Variants in SFRP1 observed in about 807,000 individuals in gnomAD.
SFRP1 encodes the protein secreted frizzled related protein 1, also known as secreted frizzled-related protein 1.
A neutral mutation model predicts 25.9 loss-of-function variants in SFRP1; 9 were observed. The ratio of observed to expected loss-of-function variants is 0.35; its 90% CI spans 0.21 to 0.61. The LOEUF (loss-of-function observed/expected upper bound fraction) is 0.61, where lower values mean the gene tolerates loss of function less well. SFRP1 is among the 20% of genes least tolerant of loss of function. The pLI is 0.78. For synonymous variants in SFRP1, 178 were observed against 174.0 expected (o/e 1.02, Z -0.18); for missense variants, 346 against 418.2 (o/e 0.83, Z 1.51).
Position 41,308,879 on chromosome 8 carries a change from G to A in SFRP1, c.281C>T (p.Ala94Val). The A allele has an allele frequency of 1.9e-6, 3 of 1,611,046 alleles. No homozygotes were observed. Among genetic ancestry groups the A allele is most frequent in the Non-Finnish European group, 2.5e-6 (3 of 1,179,706 alleles). The part of the protein sequence containing the change: ...HETMAEVKQQ[A>V]SSWVPLLNKN... ...GTTGAGCAGGGGCACCCAGCTGCTG[G>A]CCTGCTGCTTCACCTCCGCCATGGT... Residue 94 changes from alanine (A) to valine (V), a missense_variant, in exon 1 of 3, where the codon GCC becomes GTC. Transcript: ENST00000220772.
In SFRP1 at chr8:41,263,781, G is replaced by A. The variant is rs1803401795; in HGVS notation, c.*1386C>T. On this transcript the variant is annotated 3_prime_UTR_variant, in exon 3 of 3. Transcript: ENST00000220772. ...CAGGGTACTTGGGAAAAACTGCAGA[G>A]ATGTTTTGCTTTTGAAACTCTCTCG... 6.6e-6 allele frequency: 1 copy of A among 152,206 alleles called. No individual in the cohort carries two copies. Among genetic ancestry groups the A allele is most frequent in the Non-Finnish European group, 1.5e-5 (1 of 68,040 alleles). 9.4% of individuals were successfully genotyped at this position (152,206 alleles called of 1,614,324 possible).
chr8:41,282,090 C>T (rs1470463960), intron 2 of SFRP1, among the ~76,000 whole-genome samples: 1 of 152,120 alleles, frequency 6.6e-6, no homozygotes, highest in Non-Finnish European at 1.5e-5. Flanking sequence ...TTGCTAAGGG[C>T]CTTTTGGGTA....
At chr8:41,294,770 A>G (rs1276826942) in intron 2 of SFRP1, among the ~76,000 whole-genome samples, 2 of 152,002 alleles carry the variant, frequency 1.3e-5, no homozygotes, top group Non-Finnish European at 2.9e-5. Context: ...AGACTCAAAT[A>G]TGTATATGGA....
chr8:41,305,700 G>C (rs1347432618), intron 1 of SFRP1, among the ~76,000 whole-genome samples: 1 of 152,202 alleles, frequency 6.6e-6, no homozygotes, highest in Non-Finnish European at 1.5e-5. Context: ...CAAAGGTTTT[G>C]TGTTTATTAA....
chr8:41,306,818 G>T (rs1804004007), intron 1 of SFRP1: 1 of 1,598,156 alleles, frequency 6.3e-7, no homozygotes, highest in African/African-American at 1.3e-5. Flanking sequence ...GGGGCAAAAG[G>T]TGTCCGGAAG....
Position 41,265,144 on chromosome 8 carries a change from T to TC in SFRP1, c.*22dup. 1.9e-5 allele frequency: 2 copies of TC among 102,778 alleles called. No homozygotes were observed. The highest frequency in any genetic ancestry group is 3.5e-5 in the Non-Finnish European group (2 of 56,708). The allele number at this position is 102,778 out of a possible 1,614,324, so 6.4% of individuals were successfully genotyped here. A position where few individuals can be genotyped will look rare whatever the true frequency, so the allele number is the denominator to read the frequency against. On this transcript the variant is annotated 3_prime_UTR_variant, in exon 3 of 3. Coordinates refer to ENST00000220772, the MANE Select transcript of SFRP1 (RefSeq NM_003012.5). ...CGCTCCCACCCCACCCGAGGCTCCC[T>TC]CCCCACCCTGCCCCCGGGAGAATCA...
At chr8:41,268,880 C>A (rs1404664180) in intron 2 of SFRP1, among the ~76,000 whole-genome samples, 1 of 152,220 alleles carries the variant, frequency 6.6e-6, no homozygotes, top group African/African-American at 2.4e-5. Context: ...GCGATGTTGC[C>A]CATGGCCTGA....
chr8:41,283,242 G>T (rs1169670376), intron 2 of SFRP1, among the ~76,000 whole-genome samples: 1 of 152,092 alleles, frequency 6.6e-6, no homozygotes, highest in Non-Finnish European at 1.5e-5. Flanking sequence ...AGACCACCAG[G>T]TAGGCGTCAC....
At chr8:41,301,161 G>C (rs1803911665) in intron 2 of SFRP1, among the ~76,000 whole-genome samples, 1 of 152,216 alleles carries the variant, frequency 6.6e-6, no homozygotes, top group Non-Finnish European at 1.5e-5. Flanking sequence ...TGTTCCCGGA[G>C]CTCACAGAGA....
At chr8:41,274,354 A>T (rs944295284) in intron 2 of SFRP1, among the ~76,000 whole-genome samples, 3 of 152,230 alleles carry the variant, frequency 2.0e-5, no homozygotes, top group Non-Finnish European at 2.9e-5. Flanking sequence ...TATGAACATA[A>T]GTAACTGGGT....
intron 2 of SFRP1, among the ~76,000 whole-genome samples, chr8:41,285,479 A>C (rs1803687288): frequency 6.6e-6 from 1 of 152,200 alleles, no homozygotes; most frequent in Non-Finnish European, 1.5e-5. Flanking sequence ...AAATGCCAAA[A>C]ACCAGAGAAC....
intron 1 of SFRP1, 152 bp from the exon 2 acceptor site, chr8:41,303,690 C>G (rs555536496): frequency 4.0e-5 from 26 of 643,662 alleles, no homozygotes; most frequent in South Asian, 1.5e-4. Context: ...AAACAAGAAG[C>G]CTTGAGCCCA....
chr8:41,278,055 T>C (rs2117490124), intron 2 of SFRP1, among the ~76,000 whole-genome samples: 1 of 152,292 alleles, frequency 6.6e-6, no homozygotes, highest in Non-Finnish European at 1.5e-5. Context: ...CACAGTGGTA[T>C]CTTTTAAGGA....
At chr8:41,306,709 G>A (rs1346214223) in intron 1 of SFRP1, 1 of 1,597,260 alleles carries the variant, frequency 6.3e-7, no homozygotes, top group Non-Finnish European at 8.5e-7. Flanking sequence ...ACCTGTCTTG[G>A]GAGGGTGACT....
chr8:41,278,767 C>G (rs1381557291), intron 2 of SFRP1, among the ~76,000 whole-genome samples: 1 of 152,238 alleles, frequency 6.6e-6, no homozygotes, highest in Admixed American at 6.5e-5. Context: ...TAATAATCAG[C>G]AGATCTTCAT....
intron 2 of SFRP1, among the ~76,000 whole-genome samples, chr8:41,284,726 C>T (rs935258123): frequency 2.6e-5 from 4 of 152,216 alleles, no homozygotes; most frequent in African/African-American, 9.6e-5. Flanking sequence ...GTCTCCCCTG[C>T]CTCCTCTGAA....
At position 41,308,833 on chromosome 8, in the gene SFRP1, G is replaced by A; in HGVS notation, c.327C>T (p.Thr109=). The A allele has an allele frequency of 1.2e-6, 2 of 1,610,358 alleles. No individual in the cohort carries two copies. Among genetic ancestry groups the A allele is most frequent in the Non-Finnish European group, 1.7e-6 (2 of 1,179,402 alleles). ...PLLNKNCHAG[T]QVFLCSLFAP... is the part of the protein sequence containing the mutation. ...CGAAGAGCGAGCAGAGGAAGACCTG[G>A]GTGCCGGCGTGGCAGTTCTTGTTGA... Residue 109 remains threonine, a synonymous_variant, in exon 1 of 3, where the codon ACC becomes ACT. Coordinates refer to ENST00000220772, the MANE Select transcript of SFRP1 (RefSeq NM_003012.5).
In SFRP1 at chr8:41,294,151, G is replaced by A. The variant is rs145529020; in HGVS notation, c.622+9310C>T. ...TATGAGCCTGAGAGGTGAGCACAGC[G>A]GGCTGGCACAGCCGCCCTATGGAGT... On this transcript the variant is annotated intron_variant, in intron 2 of 2. Coordinates refer to ENST00000220772, the MANE Select transcript of SFRP1 (RefSeq NM_003012.5). Among the ~76,000 whole-genome samples, 241 of 152,264 alleles carry A rather than the reference G, an allele frequency of 1.6e-3. 1 individual carries two copies. Among genetic ancestry groups the A allele is most frequent in the African/African-American group, 4.8e-3 (200 of 41,542 alleles).
intron 2 of SFRP1, among the ~76,000 whole-genome samples, chr8:41,293,819 C>A (rs1465789817): frequency 6.6e-6 from 1 of 152,152 alleles, no homozygotes; most frequent in Non-Finnish European, 1.5e-5. Context: ...CAGACCCAGG[C>A]TGGAGTGCAG....
Sources: allele counts gnomAD v4.1 joint callset (sites outside exome capture counted in the v4.1 genomes callset), GRCh38; gene constraint gnomAD v4.1.1; transcripts MANE v1.5; gene names NCBI Gene and HGNC (gene_info 2026-07-23, HGNC 2026-07-21).